MYO1E: variants seen among roughly 807,000 people sequenced by gnomAD.
The protein encoded by MYO1E is unconventional myosin-Ie.
In MYO1E, 68 loss-of-function variants were observed where a neutral mutation model predicts 151.1. The ratio of observed to expected loss-of-function variants is 0.45; its 90% CI spans 0.37 to 0.55. The LOEUF is 0.55. MYO1E is among the 20% of genes least tolerant of loss of function. MYO1E has a pLI of 0.00. For synonymous variants in MYO1E, 601 were observed against 501.7 expected (o/e 1.20, Z -2.64); for missense variants, 1,363 against 1,389.3 (o/e 0.98, Z 0.30).
At chr15:59,150,654 C>G (rs1048411410) in intron 26 of MYO1E, among the ~76,000 whole-genome samples, 10 of 150,892 alleles carry the variant, frequency 6.6e-5, no homozygotes, top group African/African-American at 2.2e-4. Flanking sequence ...GGTTAGAGAG[C>G]AAAAATCCCA....
At position 59,163,147 on chromosome 15, in the gene MYO1E, C is replaced by G. The variant is rs373600879; in HGVS notation, c.2627+10G>C. ...ACACGCAGAAGTCTGGGTCCCAGAT[C>G]CGGACTTACGTATTGCTGAATTTCA... On this transcript the variant is annotated intron_variant, in intron 23 of 27. Coordinates refer to ENST00000288235, the MANE Select transcript of MYO1E (RefSeq NM_004998.4). The G allele has an allele frequency of 6.2e-6, 10 of 1,613,904 alleles. No homozygotes were observed. Among genetic ancestry groups the G allele is most frequent in the Non-Finnish European group, 7.6e-6 (9 of 1,179,876 alleles).
chr15:59,370,205 A>G (rs2140446993), intron 1 of MYO1E, among the ~76,000 whole-genome samples: 1 of 152,348 alleles, frequency 6.6e-6, no homozygotes, highest in South Asian at 2.1e-4. Flanking sequence ...TAAGCAGCTG[A>G]AGGGATACAA....
At chr15:59,272,971 A>G (rs2080296966) in intron 1 of MYO1E, among the ~76,000 whole-genome samples, 2 of 152,262 alleles carry the variant, frequency 1.3e-5, no homozygotes, top group South Asian at 4.1e-4. Context: ...TCACACGGTC[A>G]TAATTTCTCA....
At chr15:59,141,655 G>A (rs1219251374) in intron 26 of MYO1E, among the ~76,000 whole-genome samples, 2 of 152,094 alleles carry the variant, frequency 1.3e-5, no homozygotes, top group African/African-American at 4.8e-5. Flanking sequence ...GACGGTAGCT[G>A]GGCGTGACGG....
chr15:59,269,977 C>CCATAGTGTGAAAA, intron 2 of MYO1E, among the ~76,000 whole-genome samples: 1 of 152,254 alleles, frequency 6.6e-6, no homozygotes, highest in African/African-American at 2.4e-5. Flanking sequence ...CTTAGCTCTG[C>CCATAGTGTGAAAA]CACCATAGTG....
chr15:59,249,554 G>A (rs1272709538), intron 4 of MYO1E, among the ~76,000 whole-genome samples: 8 of 152,092 alleles, frequency 5.3e-5, no homozygotes, highest in South Asian at 2.1e-4. Context: ...TAGAAACGCC[G>A]CCTTTATGGG....
intron 1 of MYO1E, among the ~76,000 whole-genome samples, chr15:59,322,181 TAAA>T (rs11300619): frequency 7.1e-6 from 1 of 140,276 alleles, no homozygotes; most frequent in East Asian, 2.1e-4. Context: ...TCTCAAAAAT[TAAA>T]AAAAAAAAAA....
chr15:59,325,622 G>C (rs1375119957), intron 1 of MYO1E, among the ~76,000 whole-genome samples: 1 of 152,092 alleles, frequency 6.6e-6, no homozygotes, highest in South Asian at 2.1e-4. Context: ...TTTTTTCCAT[G>C]AAGGAATACT....
intron 15 of MYO1E, 132 bp downstream of exon 15, chr15:59,205,268 T>A: frequency 2.2e-6 from 2 of 901,830 alleles, no homozygotes; most frequent in South Asian, 2.6e-5. Flanking sequence ...GATCAAGTGA[T>A]CCTCCTGCCT....
chr15:59,154,132 G>A (rs193105565), intron 25 of MYO1E, among the ~76,000 whole-genome samples: 2 of 152,298 alleles, frequency 1.3e-5, no homozygotes, highest in East Asian at 1.9e-4. Flanking sequence ...CAGATTTCCT[G>A]GGGTTCAAAG....
chr15:59,156,085 T>C (rs985238118), intron 25 of MYO1E, among the ~76,000 whole-genome samples: 2 of 152,240 alleles, frequency 1.3e-5, no homozygotes, highest in Non-Finnish European at 2.9e-5. Context: ...TGCAGTGGCA[T>C]GATCATAGCC....
chr15:59,174,159 C>A lies in MYO1E; in HGVS notation c.2131G>T (p.Ala711Ser). 1 of 1,614,010 alleles carries A rather than the reference C, an allele frequency of 6.2e-7. No individual in the cohort carries two copies. Among genetic ancestry groups the A allele is most frequent in the African/African-American group, 1.3e-5 (1 of 75,032 alleles). Residue 711 changes from alanine (A) to serine (S), a missense_variant, in exon 20 of 28, where the codon GCC becomes TCC. Transcript: ENST00000288235. The stretch of plus-strand genomic sequence containing the variant: ...CTCATTTGAACGTATTTCTTCCGGG[C>A]CACGAATTTCCTCCATGATTTCTGT... ...VIQKSWRKFV[A>S]RKKYVQMREE...
chr15:59,331,403 G>C (rs2080697249), intron 1 of MYO1E, among the ~76,000 whole-genome samples: 1 of 152,156 alleles, frequency 6.6e-6, no homozygotes, highest in African/African-American at 2.4e-5. Context: ...GCACTGATAT[G>C]AGAAATCAGA....
At chr15:59,310,211 G>A (rs879652031) in intron 1 of MYO1E, among the ~76,000 whole-genome samples, 1 of 152,120 alleles carries the variant, frequency 6.6e-6, no homozygotes, top group Admixed American at 6.5e-5. Flanking sequence ...TGACCAGCTT[G>A]AGTGTGGCAG....
intron 1 of MYO1E, among the ~76,000 whole-genome samples, chr15:59,277,718 T>C (rs1271445797): frequency 6.6e-6 from 1 of 152,190 alleles, no homozygotes; most frequent in Non-Finnish European, 1.5e-5. Flanking sequence ...AGGGACTGAT[T>C]AGAATACAGA....
intron 22 of MYO1E, among the ~76,000 whole-genome samples, chr15:59,171,638 C>T (rs896296299): frequency 1.3e-4 from 20 of 152,162 alleles, no homozygotes; most frequent in South Asian, 1.2e-3. Context: ...TAACACGTTT[C>T]GGTTACAAGA....
At position 59,207,340 on chromosome 15, in the gene MYO1E, G is replaced by C. The variant is rs1381323871; in HGVS notation, c.1530+1341C>G. On this transcript the variant is annotated intron_variant, in intron 14 of 27. Transcript: ENST00000288235. ...TATTGTTTGTAGCAAAGATTACTTT[G>C]TCACAGCAAACTCCAACCTAGTGAT... 9.3e-6 allele frequency: 15 copies of C among 1,614,076 alleles called. No homozygotes were observed. The highest frequency in any genetic ancestry group is 1.3e-5 in the Non-Finnish European group (15 of 1,179,934).
chr15:59,238,001 T>C (rs1418967631), intron 4 of MYO1E, among the ~76,000 whole-genome samples: 1 of 152,152 alleles, frequency 6.6e-6, no homozygotes, highest in Non-Finnish European at 1.5e-5. Flanking sequence ...AACCCACCTA[T>C]GCAAGTCACT....
At chr15:59,189,967 C>G (rs535203599) in intron 17 of MYO1E, among the ~76,000 whole-genome samples, 1 of 152,182 alleles carries the variant, frequency 6.6e-6, no homozygotes, top group Non-Finnish European at 1.5e-5. Context: ...CTTGGGGATG[C>G]TGATTTAGTA....
Sources: gnomAD v4.1 joint callset for allele counts (sites outside exome capture counted in the v4.1 genomes callset) on GRCh38, gnomAD v4.1.1 for gene constraint, MANE v1.5 for transcripts, NCBI Gene and HGNC (gene_info 2026-07-23, HGNC 2026-07-21) for gene names.